RSF1: variants seen among roughly 807,000 people sequenced by gnomAD.
RSF1 encodes HBV pX-associated protein 8.
Under a neutral mutation model 145.2 loss-of-function variants are expected in RSF1, and 13 were observed. The observed-to-expected ratio is 0.09, with a 90% CI of 0.06 to 0.14. The LOEUF (loss-of-function observed/expected upper bound fraction) is 0.14. Ranked by LOEUF, RSF1 falls within the 10% of genes least tolerant of loss-of-function variation. RSF1 has a pLI of 1.00. For missense variants in RSF1, 1,517 were observed against 1,718.2 expected, an observed-to-expected ratio of 0.88 and a Z score of 2.07; for synonymous variants, 577 against 592.6, an observed-to-expected ratio of 0.97 and a Z score of 0.38.
At chr11:77,820,199 G>T (rs1181896844) in intron 1 of RSF1, among the ~76,000 whole-genome samples, 9 of 151,630 alleles carry the variant, frequency 5.9e-5, no homozygotes, top group South Asian at 4.1e-4. Flanking sequence ...GAGACGGGGT[G>T]GGGGGCCGCC....
chr11:77,691,149 AT>A lies in RSF1; in HGVS notation c.2900+9del. On this transcript the variant is annotated intron_variant, in intron 9 of 15. Coordinates refer to ENST00000308488, the MANE Select transcript of RSF1 (RefSeq NM_016578.4). Reference sequence around the variant, plus strand: ...TCCCAAACAAAACATTAACACACATATAAAAATACCTTCGTTCGGCACGCTC... The same window carrying A: ...TCCCAAACAAAACATTAACACACATAAAAAATACCTTCGTTCGGCACGCTC... 1.2e-6 allele frequency: 2 copies of A among 1,611,432 alleles called. No individual in the cohort carries two copies. Among genetic ancestry groups the A allele is most frequent in the Non-Finnish European group, 1.7e-6 (2 of 1,177,560 alleles).
At chr11:77,709,952 A>G (rs1194364996) in intron 5 of RSF1, among the ~76,000 whole-genome samples, 1 of 152,164 alleles carries the variant, frequency 6.6e-6, no homozygotes, top group Non-Finnish European at 1.5e-5. Context: ...TTAAAATTTC[A>G]TGGTACTTAC....
chr11:77,842,329 C>T, the RSF1 span: 2 of 712,804 alleles, frequency 2.8e-6, no homozygotes, highest in East Asian at 5.6e-5. Flanking sequence ...ATAATAGTTA[C>T]TTTTTAGACC....
chr11:77,818,734 C>T (rs1948806310), intron 1 of RSF1, among the ~76,000 whole-genome samples: 1 of 152,130 alleles, frequency 6.6e-6, no homozygotes, highest in African/African-American at 2.4e-5. Context: ...AGCCCAGATC[C>T]TGCCACTGCA....
At chr11:77,719,456 A>G (rs1013040990) in intron 5 of RSF1, among the ~76,000 whole-genome samples, 5 of 152,206 alleles carry the variant, frequency 3.3e-5, no homozygotes, top group Admixed American at 1.3e-4. Context: ...AAAAGAAAGG[A>G]GTATGGCAAA....
chr11:77,709,380 C>T (rs989841781), intron 5 of RSF1, among the ~76,000 whole-genome samples: 4 of 152,142 alleles, frequency 2.6e-5, no homozygotes, highest in African/African-American at 4.8e-5. Flanking sequence ...CTTTTGTTCA[C>T]GGCTACATTC....
chr11:77,829,213 T>A, the RSF1 span, among the ~76,000 whole-genome samples: 1 of 152,032 alleles, frequency 6.6e-6, no homozygotes, highest in African/African-American at 2.4e-5. Context: ...CACATGCATA[T>A]GCCAAGGAGA....
At position 77,683,805 on chromosome 11, in the gene RSF1, A is replaced by G; in HGVS notation, c.2970T>C (p.Ser990=). The change falls in exon 11 of 16, where the codon TCT becomes TCC. Residue 990 remains serine, a synonymous_variant. Coordinates refer to ENST00000308488, the MANE Select transcript of RSF1 (RefSeq NM_016578.4). ...NIIPPQEPDF[S]EDQEEKKKDS... is the part of the protein sequence containing the mutation. Reference sequence around the variant, plus strand: ...CTTTTTTCTTTTCTTCTTGATCTTCAGAAAAGTCTGGCTCCTTAAAAAATA... The same window carrying G: ...CTTTTTTCTTTTCTTCTTGATCTTCGGAAAAGTCTGGCTCCTTAAAAAATA... 6.2e-7 allele frequency: 1 copy of G among 1,611,384 alleles called. No individual in the cohort carries two copies. Among genetic ancestry groups the G allele is most frequent in the Non-Finnish European group, 8.5e-7 (1 of 1,179,496 alleles).
chr11:77,812,578 T>A (rs1948741523), intron 1 of RSF1, among the ~76,000 whole-genome samples: 1 of 152,118 alleles, frequency 6.6e-6, no homozygotes, highest in Non-Finnish European at 1.5e-5. Context: ...TTTGCCCTCA[T>A]GCTCTTCTTT....
At chr11:77,764,806 T>C in intron 1 of RSF1, 117 bp from the exon 2 acceptor site, 1 of 654,990 alleles carries the variant, frequency 1.5e-6, no homozygotes, top group Non-Finnish European at 2.5e-6. Flanking sequence ...CAGACAGTGT[T>C]GATACTAGCT....
At chr11:77,778,084 C>A in intron 1 of RSF1, among the ~76,000 whole-genome samples, 1 of 11,762 alleles carries the variant, frequency 8.5e-5, no homozygotes, top group Non-Finnish European at 1.6e-4. Context: ...CTAGGCAATA[C>A]AGGCAGATCC....
chr11:77,699,893 T>G (rs1452903803), intron 6 of RSF1, among the ~76,000 whole-genome samples: 2 of 152,186 alleles, frequency 1.3e-5, no homozygotes, highest in Non-Finnish European at 1.5e-5. Flanking sequence ...ATATCCACAC[T>G]ATGGAGTACT....
chr11:77,783,091 T>C (rs77827189), intron 1 of RSF1, among the ~76,000 whole-genome samples: 3,102 of 152,310 alleles, frequency 0.02, 97 homozygotes, highest in African/African-American at 0.07. Context: ...GCTTCAGGTT[T>C]TACAAAACAA....
At chr11:77,725,794 AAAAT>A (rs1324050726) in intron 4 of RSF1, 95 bp from the exon 5 acceptor site, 2 of 959,222 alleles carry the variant, frequency 2.1e-6, no homozygotes, top group Non-Finnish European at 2.9e-6. Flanking sequence ...TAAAAAAAGA[AAAAT>A]ACATTAAGAA....
intron 1 of RSF1, among the ~76,000 whole-genome samples, chr11:77,781,804 A>G (rs1041417641): frequency 6.6e-6 from 1 of 152,164 alleles, no homozygotes; most frequent in Non-Finnish European, 1.5e-5. Context: ...ACTGCATTGT[A>G]TATGTTTTTT....
At chr11:77,746,712 A>G (rs3819211) in intron 3 of RSF1, among the ~76,000 whole-genome samples, 19,603 of 152,192 alleles carry the variant, frequency 0.13, 1,448 homozygotes, top group Admixed American at 0.2. Context: ...TCAAATTGCT[A>G]ATTTAGTAAA....
At chr11:77,847,841 C>T in the RSF1 span, among the ~76,000 whole-genome samples, 8 of 152,202 alleles carry the variant, frequency 5.3e-5, no homozygotes, top group South Asian at 4.1e-4. Context: ...TTGACTTGTC[C>T]GTGATCTGCT....
intron 1 of RSF1, among the ~76,000 whole-genome samples, chr11:77,791,039 G>A (rs911945093): frequency 6.6e-6 from 1 of 152,202 alleles, no homozygotes; most frequent in Admixed American, 6.5e-5. Context: ...GATCTGTGTA[G>A]GGGTTTCAGC....
intron 10 of RSF1, 142 bp from the exon 11 acceptor site, chr11:77,683,961 T>C: frequency 1.7e-6 from 1 of 590,350 alleles, no homozygotes; most frequent in Non-Finnish European, 3.0e-6. Flanking sequence ...CAAAAGTGAA[T>C]AAACATGGCA....
Sources: gnomAD v4.1 joint callset for allele counts (sites outside exome capture counted in the v4.1 genomes callset) on GRCh38, gnomAD v4.1.1 for gene constraint, MANE v1.5 for transcripts, NCBI Gene and HGNC (gene_info 2026-07-23, HGNC 2026-07-21) for gene names.